THEMIS: variants seen among roughly 807,000 people sequenced by gnomAD.
THEMIS encodes protein THEMIS.
THEMIS carries 37 observed loss-of-function variants against 52.6 expected under a neutral mutation model. The observed-to-expected ratio is 0.70, with a 90% CI of 0.54 to 0.93. The LOEUF (loss-of-function observed/expected upper bound fraction) is 0.93, where lower values mean the gene tolerates loss of function less well. Ranked by LOEUF, THEMIS falls within the 40% of genes least tolerant of loss-of-function variation. THEMIS has a pLI of 0.00. For missense variants in THEMIS, 808 were observed against 763.1 expected, an observed-to-expected ratio of 1.06 and a Z score of -0.69; for synonymous variants, 292 against 272.7, an observed-to-expected ratio of 1.07 and a Z score of -0.70.
intron 2 of THEMIS, among the ~76,000 whole-genome samples, chr6:127,848,300 A>C (rs962483696): frequency 8.5e-5 from 13 of 152,134 alleles, no homozygotes; most frequent in East Asian, 5.8e-4. Context: ...TATATGTGCC[A>C]CATTTTCTTA....
intron 4 of THEMIS, among the ~76,000 whole-genome samples, chr6:127,765,040 G>T (rs922420341): frequency 6.6e-6 from 1 of 151,904 alleles, no homozygotes; most frequent in Non-Finnish European, 1.5e-5. Flanking sequence ...AGGGATACCC[G>T]TTGAGACTTT....
intron 1 of THEMIS, among the ~76,000 whole-genome samples, chr6:127,872,030 C>T (rs1780173312): frequency 6.6e-6 from 1 of 152,064 alleles, no homozygotes; most frequent in African/African-American, 2.4e-5. Context: ...TAAACCAATT[C>T]ATTAATATAG....
At chr6:127,748,513 T>G (rs9401997) in intron 4 of THEMIS, among the ~76,000 whole-genome samples, 1 of 152,152 alleles carries the variant, frequency 6.6e-6, no homozygotes, top group East Asian at 1.9e-4. Flanking sequence ...CAGTAGTACT[T>G]CCTCTTAATG....
At chr6:127,865,116 C>T (rs1238592312) in intron 1 of THEMIS, among the ~76,000 whole-genome samples, 1 of 152,120 alleles carries the variant, frequency 6.6e-6, no homozygotes, top group Non-Finnish European at 1.5e-5. Flanking sequence ...GCACACACAA[C>T]TGACCTTAAC....
intron 1 of THEMIS, among the ~76,000 whole-genome samples, chr6:127,866,393 T>C (rs1049480781): frequency 1.3e-5 from 2 of 152,044 alleles, no homozygotes; most frequent in African/African-American, 4.8e-5. Flanking sequence ...CTTAATAGTT[T>C]ATTTTTGCAG....
intron 4 of THEMIS, among the ~76,000 whole-genome samples, chr6:127,725,246 A>C (rs917104914): frequency 6.6e-6 from 1 of 152,136 alleles, no homozygotes; most frequent in Non-Finnish European, 1.5e-5. Flanking sequence ...TTTGAGAAGA[A>C]ATCTCTCATT....
At chr6:127,788,067 A>G (rs954853937) in intron 4 of THEMIS, among the ~76,000 whole-genome samples, 1 of 152,200 alleles carries the variant, frequency 6.6e-6, no homozygotes, top group Non-Finnish European at 1.5e-5. Flanking sequence ...CCATGGACTC[A>G]CAAACTATGA....
At chr6:127,711,632 T>C (rs1219770565) in intron 5 of THEMIS, among the ~76,000 whole-genome samples, 1 of 151,954 alleles carries the variant, frequency 6.6e-6, no homozygotes, top group African/African-American at 2.4e-5. Context: ...TGACAAACAG[T>C]AATAAAACCA....
In THEMIS at chr6:127,845,511, AC is replaced by A. The variant is rs1046377544; in HGVS notation, c.250+9518del. On this transcript the variant is annotated intron_variant, in intron 2 of 5. Coordinates refer to ENST00000368248, the MANE Select transcript of THEMIS (RefSeq NM_001010923.3). ...TCCACAGTAACCTTGAAAACTAACA[AC>A]CTGTAATCACGAAAAAATAATCAAC... 9.5e-4 allele frequency among the ~76,000 whole-genome samples: 144 copies of A among 151,930 alleles called. 1 individual carries two copies. The highest frequency in any genetic ancestry group is 3.4e-3 in the African/African-American group (140 of 41,500).
chr6:127,708,542 G>C lies in THEMIS; in HGVS notation c.*1443C>G, dbSNP rs147421458. The C allele has an allele frequency of 2.0e-5, 3 of 152,164 alleles. No homozygotes were observed. The South Asian group carries it at 6.2e-4, about 32-fold the overall frequency. 9.4% of individuals were successfully genotyped at this position (152,164 alleles called of 1,614,324 possible). A position where few individuals can be genotyped will look rare whatever the true frequency, so the allele number is the denominator to read the frequency against. Reference sequence around the variant, plus strand: ...TGGTGCAGTTTGTCAAGGCTGTTAGGTTAAGATTCGCTGTGGCCTTCAATA... The same window carrying C: ...TGGTGCAGTTTGTCAAGGCTGTTAGCTTAAGATTCGCTGTGGCCTTCAATA... On this transcript the variant is annotated 3_prime_UTR_variant, in exon 6 of 6. Coordinates refer to ENST00000368248, the MANE Select transcript of THEMIS (RefSeq NM_001010923.3).
intron 4 of THEMIS, among the ~76,000 whole-genome samples, chr6:127,785,400 G>T (rs1026675701): frequency 5.3e-5 from 8 of 151,286 alleles, no homozygotes; most frequent in African/African-American, 1.9e-4. Context: ...CACCAACATG[G>T]CACATGTATA....
At chr6:127,827,089 G>T (rs1298503446) in intron 3 of THEMIS, among the ~76,000 whole-genome samples, 1 of 151,624 alleles carries the variant, frequency 6.6e-6, no homozygotes, top group Non-Finnish European at 1.5e-5. Context: ...TTTTCATCTT[G>T]CTCTTTCCCC....
chr6:127,748,804 C>A (rs907607868), intron 4 of THEMIS, among the ~76,000 whole-genome samples: 2 of 151,924 alleles, frequency 1.3e-5, no homozygotes, highest in Admixed American at 6.6e-5. Flanking sequence ...CCAGGTTAAC[C>A]TATAATAATA....
At chr6:127,848,287 G>A (rs1779293010) in intron 2 of THEMIS, among the ~76,000 whole-genome samples, 1 of 151,870 alleles carries the variant, frequency 6.6e-6, no homozygotes, top group Admixed American at 6.6e-5. Context: ...GTATTCCATG[G>A]TGTATATGTG....
chr6:127,836,313 C>T (rs538406940), intron 2 of THEMIS, among the ~76,000 whole-genome samples: 32 of 152,192 alleles, frequency 2.1e-4, no homozygotes, highest in African/African-American at 7.5e-4. Flanking sequence ...ATGTTTCTCT[C>T]TCTACACATG....
At chr6:127,754,850 A>C (rs936772501) in intron 4 of THEMIS, among the ~76,000 whole-genome samples, 1 of 151,764 alleles carries the variant, frequency 6.6e-6, no homozygotes, top group African/African-American at 2.4e-5. Flanking sequence ...CGGTTCAATG[A>C]ATAAACTGTC....
chr6:127,897,723 T>C (rs1397687640), intron 1 of THEMIS, among the ~76,000 whole-genome samples: 1 of 151,488 alleles, frequency 6.6e-6, no homozygotes, highest in Non-Finnish European at 1.5e-5. Flanking sequence ...AGAAACTTGC[T>C]TTTCATTAGC....
At chr6:127,822,749 C>T (rs1487577103) in intron 3 of THEMIS, among the ~76,000 whole-genome samples, 1 of 152,102 alleles carries the variant, frequency 6.6e-6, no homozygotes, top group Non-Finnish European at 1.5e-5. Context: ...CTGTCATCTA[C>T]AATCAGTTGA....
At chr6:127,801,592 A>G (rs1777537457) in intron 4 of THEMIS, among the ~76,000 whole-genome samples, 1 of 152,142 alleles carries the variant, frequency 6.6e-6, no homozygotes. Flanking sequence ...CTTTTTTGCC[A>G]GAAGAAACAG....
Sources: gnomAD v4.1 joint callset for allele counts (sites outside exome capture counted in the v4.1 genomes callset) on GRCh38, gnomAD v4.1.1 for gene constraint, MANE v1.5 for transcripts, NCBI Gene and HGNC (gene_info 2026-07-23, HGNC 2026-07-21) for gene names.